The following POLG2 variants were observed in gnomAD, a reference collection of about 807,000 sequenced individuals.
POLG2 encodes DNA polymerase subunit gamma-2.
In POLG2, 50 loss-of-function variants were observed where a neutral mutation model predicts 56.5. The ratio of observed to expected loss-of-function variants is 0.88; its 90% confidence interval spans 0.71 to 1.12. The LOEUF (loss-of-function observed/expected upper bound fraction) is 1.12. POLG2 is among the 50% of genes most tolerant of loss of function. The probability of loss-of-function intolerance (pLI) is 0.00; values close to 1 mark genes in which losing one functional copy is unlikely to be tolerated. For synonymous variants in POLG2, 226 were observed against 222.6 expected (o/e 1.02, Z -0.14); for missense variants, 584 against 583.3 (o/e 1.00, Z -0.01).
chr17:64,493,272 G>T (rs1467380395), intron 1 of POLG2, among the ~76,000 whole-genome samples: 4 of 152,024 alleles, frequency 2.6e-5, no homozygotes, highest in Non-Finnish European at 5.9e-5. Flanking sequence ...ACAAAAATAA[G>T]CCAGGCATGG....
intron 1 of POLG2, 85 bp from the exon 2 acceptor site, chr17:64,493,106 T>C: frequency 2.2e-6 from 3 of 1,371,724 alleles, no homozygotes; most frequent in Non-Finnish European, 3.1e-6. Context: ...ATAGTAGTAA[T>C]AACGTTAACA....
chr17:64,488,690 G>A (rs920937155), intron 4 of POLG2, among the ~76,000 whole-genome samples: 34 of 152,232 alleles, frequency 2.2e-4, no homozygotes, highest in African/African-American at 8.2e-4. Flanking sequence ...AATGAAGTGT[G>A]ATGGTGGTGG....
chr17:64,485,704 C>T (rs782774378), intron 5 of POLG2, 24 bp downstream of exon 5: 2 of 1,591,112 alleles, frequency 1.3e-6, no homozygotes, highest in Non-Finnish European at 1.7e-6. Context: ...TTTCCCAAGT[C>T]TATCTCTGAA....
At chr17:64,481,843 C>A (rs1405667465) in intron 6 of POLG2, among the ~76,000 whole-genome samples, 1 of 151,480 alleles carries the variant, frequency 6.6e-6, no homozygotes, top group African/African-American at 2.4e-5. Context: ...CCACTGCACT[C>A]CAGCCTGGGT....
intron 3 of POLG2, among the ~76,000 whole-genome samples, chr17:64,491,351 T>C (rs2038054888): frequency 6.6e-6 from 1 of 152,142 alleles, no homozygotes; most frequent in African/African-American, 2.4e-5. Flanking sequence ...TGCCAGCTCT[T>C]TGGGAGGCTG....
chr17:64,482,020 G>A (rs190518652), intron 6 of POLG2, among the ~76,000 whole-genome samples: 5 of 149,556 alleles, frequency 3.3e-5, no homozygotes, highest in African/African-American at 9.8e-5. Context: ...CCAATGAACT[G>A]TATTCAGCTT....
rs782050886 is a variant in POLG2, at chr17:64,490,955, T to C, written c.810A>G (p.Pro270=). The change falls in exon 4 of 8, where the codon CCA becomes CCG. Residue 270 remains proline (P), a synonymous_variant. Transcript: ENST00000539111. ...GACAGTCACTGCTGCTGAAGTTAGA[T>C]GGACTCATGGCAAACTGGAAAAGAA... The part of the protein sequence containing the change: ...LQWWRKFAMS[P]SNFSSSDCQD... The C allele has an allele frequency of 4.4e-5, 71 of 1,613,512 alleles. No homozygotes were observed. The highest frequency in any genetic ancestry group is 5.7e-5 in the Non-Finnish European group (67 of 1,179,548).
rs782191467 is a variant in POLG2, at chr17:64,496,389, T to G, written c.562+18A>C. ...TCCACCCGACACCTGTTTTGAAGCA[T>G]GAAATCGTGAAGCATACCGTGAAGA... On this transcript the variant is annotated intron_variant, in intron 1 of 7. Transcript: ENST00000539111. The G allele has an allele frequency of 1.3e-6, 2 of 1,526,160 alleles. No homozygotes were observed. The highest frequency in any genetic ancestry group is 2.4e-5 in the South Asian group (2 of 82,232). 94.5% of individuals were successfully genotyped at this position (1,526,160 alleles called of 1,614,324 possible). A position where few individuals can be genotyped will look rare whatever the true frequency, so the allele number is the denominator to read the frequency against.
intron 1 of POLG2, among the ~76,000 whole-genome samples, 163 bp from the exon 2 acceptor site, chr17:64,493,184 G>A (rs782348665): frequency 1.4e-4 from 22 of 152,152 alleles, no homozygotes; most frequent in South Asian, 6.2e-4. Flanking sequence ...TTGGGAGGTC[G>A]AGGTGGGCAG....
intron 1 of POLG2, among the ~76,000 whole-genome samples, chr17:64,494,812 A>T (rs1191976003): frequency 1.3e-5 from 2 of 152,060 alleles, no homozygotes; most frequent in African/African-American, 4.8e-5. Flanking sequence ...TTTCAAACTC[A>T]CCTTGTACTT....
In POLG2 at chr17:64,497,027, CACT is replaced by C. The variant is rs1379897362; in HGVS notation, c.-62_-60del. The C allele has an allele frequency of 1.3e-6, 2 of 1,512,358 alleles. No homozygotes were observed. The highest frequency in any genetic ancestry group is 4.5e-5 in the East Asian group (2 of 44,434). 93.7% of individuals were successfully genotyped at this position (1,512,358 alleles called of 1,614,324 possible). A position where few individuals can be genotyped will look rare whatever the true frequency, so the allele number is the denominator to read the frequency against. ...CACTCAACGGATCCCAACAAGCCAC[CACT>C]ACCGTTAACAGAATCCGGAGAGGCC... is the stretch of plus-strand genomic sequence containing the variant. On this transcript the variant is annotated 5_prime_UTR_variant, in exon 1 of 8. Coordinates refer to ENST00000539111, the MANE Select transcript of POLG2 (RefSeq NM_007215.4).
In POLG2 at chr17:64,478,571, T is replaced by C. The variant is rs1159714607; in HGVS notation, c.1293-583A>G. ...ACTTTTTATTTCTCTGTTTATTTATTGTCTATTTTGTCCTACTAGAATATA... is the reference window on the plus strand; with the variant it reads ...ACTTTTTATTTCTCTGTTTATTTATCGTCTATTTTGTCCTACTAGAATATA... On this transcript the variant is annotated intron_variant, in intron 7 of 7. Coordinates refer to ENST00000539111, the MANE Select transcript of POLG2 (RefSeq NM_007215.4). Among the ~76,000 whole-genome samples, 4 of 152,334 alleles carry C rather than the reference T, an allele frequency of 2.6e-5. No homozygotes were observed. The East Asian group carries it at 5.8e-4, about 22-fold the overall frequency.
chr17:64,496,716 G>A lies in POLG2; in HGVS notation c.253C>T (p.Gln85Ter). ...RRHFLSGSKQ[Q>*]LSRDSLLSGC... The stretch of plus-strand genomic sequence containing the variant: ...CTCAGAAGAGAATCCCGGCTAAGCT[G>A]CTGCTTGCTTCCACTTAGGAAATGC... Residue 85 changes from glutamine to a stop codon, truncating the protein, a stop_gained, in exon 1 of 8, where the codon CAG (glutamine) becomes TAG (stop). Transcript: ENST00000539111. LOFTEE classifies it high-confidence loss of function. 1 of 1,614,072 alleles carries A rather than the reference G, an allele frequency of 6.2e-7. No individual in the cohort carries two copies. Among genetic ancestry groups the A allele is most frequent in the Non-Finnish European group, 8.5e-7 (1 of 1,180,014 alleles).
At chr17:64,496,077 A>T (rs1411085822) in intron 1 of POLG2, among the ~76,000 whole-genome samples, 1 of 152,220 alleles carries the variant, frequency 6.6e-6, no homozygotes, top group Non-Finnish European at 1.5e-5. Flanking sequence ...CTTAGAATAA[A>T]TCTAAGAAAA....
intron 4 of POLG2, among the ~76,000 whole-genome samples, chr17:64,487,755 A>T (rs916986804): frequency 1.3e-5 from 2 of 152,208 alleles, no homozygotes; most frequent in African/African-American, 4.8e-5. Context: ...TAATCCTAGC[A>T]CTTTGGGAGG....
intron 5 of POLG2, 141 bp downstream of exon 5, chr17:64,485,586 TA>T (rs1156987335): frequency 4.1e-6 from 3 of 725,286 alleles, no homozygotes; most frequent in Non-Finnish European, 7.1e-6. Flanking sequence ...GGCCAGATTC[TA>T]AAAAAACTGA....
chr17:64,492,065 C>T (rs2038070633), intron 3 of POLG2, among the ~76,000 whole-genome samples: 1 of 151,936 alleles, frequency 6.6e-6, no homozygotes, highest in Admixed American at 6.6e-5. Flanking sequence ...TGATGTTATC[C>T]AGACTTTTAT....
Position 64,492,911 on chromosome 17 carries a change from G to GT in POLG2, c.672dup (p.Arg225ThrfsTer5). Reference sequence around the variant, plus strand: ...TTTTTATACCTTTTAACACCATTTCGTATCTGCTTAGTGTCAAAAACAGGA... The same window carrying GT: ...TTTTTATACCTTTTAACACCATTTCGTTATCTGCTTAGTGTCAAAAACAGGA... On this transcript the variant is annotated frameshift_variant, in exon 2 of 8. Transcript: ENST00000539111. LOFTEE classifies it high-confidence loss of function. The GT allele has an allele frequency of 1.2e-6, 2 of 1,613,876 alleles. No homozygotes were observed. The highest frequency in any genetic ancestry group is 1.7e-6 in the Non-Finnish European group (2 of 1,179,912).
At chr17:64,479,556 A>G (rs1483902156) in intron 7 of POLG2, among the ~76,000 whole-genome samples, 1 of 152,190 alleles carries the variant, frequency 6.6e-6, no homozygotes, top group African/African-American at 2.4e-5. Flanking sequence ...TTTTCACCCA[A>G]AAGATACATA....
Sources: allele counts gnomAD v4.1 joint callset (sites outside exome capture counted in the v4.1 genomes callset), GRCh38; gene constraint gnomAD v4.1.1; transcripts MANE v1.5; gene names NCBI Gene and HGNC (gene_info 2026-07-23, HGNC 2026-07-21).